Variants in GAS7 observed in about 807,000 individuals in gnomAD.
The protein encoded by GAS7 is growth arrest specific 7.
A neutral mutation model predicts 71.1 loss-of-function variants in GAS7; 28 were observed. The observed-to-expected ratio is 0.39, with a 90% CI of 0.29 to 0.54. GAS7 has a LOEUF of 0.54. Ranked by LOEUF, GAS7 falls within the 20% of genes least tolerant of loss-of-function variation. The pLI is 0.62. For synonymous variants in GAS7, 258 were observed against 245.8 expected (o/e 1.05, Z -0.46); for missense variants, 436 against 627.8 (o/e 0.69, Z 3.27).
chr17:9,990,352 G>A (rs2070794143), intron 2 of GAS7, among the ~76,000 whole-genome samples: 1 of 152,220 alleles, frequency 6.6e-6, no homozygotes, highest in Non-Finnish European at 1.5e-5. Context: ...TGCACAATAT[G>A]GCTGCTGACT....
chr17:10,090,169 CAA>C (rs536907218), intron 1 of GAS7, among the ~76,000 whole-genome samples: 21 of 126,312 alleles, frequency 1.7e-4, no homozygotes, highest in Admixed American at 2.4e-4. Flanking sequence ...ACTCCGTCTC[CAA>C]AAAAAAAAAA....
At chr17:9,918,597 C>T (rs1413987748) in intron 12 of GAS7, among the ~76,000 whole-genome samples, 2 of 152,238 alleles carry the variant, frequency 1.3e-5, no homozygotes, top group Admixed American at 1.3e-4. Context: ...CCATGCCACA[C>T]ATTCCTGGGA....
chr17:10,010,175 C>T (rs2071712063), intron 2 of GAS7, among the ~76,000 whole-genome samples: 1 of 150,748 alleles, frequency 6.6e-6, no homozygotes, highest in Non-Finnish European at 1.5e-5. Flanking sequence ...TTTGGGGGGG[C>T]GTCTCCCTCT....
intron 1 of GAS7, among the ~76,000 whole-genome samples, chr17:10,118,884 A>G (rs777514949): frequency 2.0e-5 from 3 of 152,126 alleles, no homozygotes; most frequent in Non-Finnish European, 2.9e-5. Flanking sequence ...GGACACCAGC[A>G]CAACGTACAC....
chr17:10,168,522 T>G (rs1318066090), intron 1 of GAS7, among the ~76,000 whole-genome samples: 1 of 152,228 alleles, frequency 6.6e-6, no homozygotes, highest in Non-Finnish European at 1.5e-5. Context: ...TCAGGCTGTA[T>G]GTCTGTTTAC....
At chr17:10,056,263 G>C (rs1008459854) in intron 1 of GAS7, among the ~76,000 whole-genome samples, 1 of 152,154 alleles carries the variant, frequency 6.6e-6, no homozygotes, top group Non-Finnish European at 1.5e-5. Flanking sequence ...GAGAGGCTGA[G>C]GTGGGAAGAC....
chr17:9,926,684 T>C lies in GAS7; in HGVS notation c.971A>G (p.Asp324Gly). Residue 324 changes from aspartate (D) to glycine (G), a missense_variant, in exon 10 of 14, where the codon GAC (aspartate) becomes GGC (glycine). Asp to Gly is a moderately conservative substitution (Grantham distance 94). Coordinates refer to ENST00000432992, the MANE Select transcript of GAS7 (RefSeq NM_201433.2). The surrounding 1 kb of genome is among the most constrained non-coding windows in gnomAD (Gnocchi z 5.0). The part of the protein sequence containing the change: ...DMKKCDHHIA[D>G]LRKQLASRYA... ...GCGGCTGGCGAGCTGCTTGCGAAGG[T>C]CGGCAATGTGGTGGTCGCACTTCTT... 1.9e-6 allele frequency: 3 copies of C among 1,613,598 alleles called. No individual in the cohort carries two copies. Among genetic ancestry groups the C allele is most frequent in the Non-Finnish European group, 2.5e-6 (3 of 1,179,986 alleles).
intron 2 of GAS7, among the ~76,000 whole-genome samples, chr17:9,997,088 T>A (rs1318189347): frequency 1.3e-5 from 2 of 152,056 alleles, no homozygotes; most frequent in African/African-American, 2.4e-5. Context: ...TAGCGTATGG[T>A]AAAGAGGTGC....
intron 1 of GAS7, among the ~76,000 whole-genome samples, chr17:10,021,871 G>C (rs1391315784): frequency 3.3e-5 from 5 of 152,180 alleles, no homozygotes; most frequent in Non-Finnish European, 7.3e-5. Flanking sequence ...TGCATGTTGA[G>C]AGAAAGAGAA....
At chr17:9,917,416 G>A (rs2067619847) in intron 13 of GAS7, 75 bp from the exon 14 acceptor site, 2 of 1,080,696 alleles carry the variant, frequency 1.9e-6, no homozygotes, top group Non-Finnish European at 2.8e-6. Context: ...GAGACATGCT[G>A]TCCTCACCTT....
chr17:10,152,680 A>G (rs1244308757), intron 1 of GAS7, among the ~76,000 whole-genome samples: 1 of 152,188 alleles, frequency 6.6e-6, no homozygotes, highest in African/African-American at 2.4e-5. Context: ...CGCAGCCTTC[A>G]AGGCCTCTCT....
At chr17:9,943,822 G>T (rs574275276) in intron 6 of GAS7, among the ~76,000 whole-genome samples, 4 of 152,260 alleles carry the variant, frequency 2.6e-5, no homozygotes, top group African/African-American at 9.6e-5. Context: ...ATACTAGCTG[G>T]GTGACCTTGG....
intron 1 of GAS7, among the ~76,000 whole-genome samples, chr17:10,080,467 T>C (rs1320490163): frequency 6.6e-6 from 1 of 152,232 alleles, no homozygotes; most frequent in African/African-American, 2.4e-5. Flanking sequence ...AGCCATTCTT[T>C]CATTCCTTTA....
At chr17:10,039,750 G>C (rs1000080440) in intron 1 of GAS7, 7 of 456,178 alleles carry the variant, frequency 1.5e-5, no homozygotes, top group Non-Finnish European at 2.6e-5. Context: ...ACCATGGCTC[G>C]TCTTGCGTTC....
At chr17:10,039,626 T>C (rs1259226978) in intron 1 of GAS7, 1 of 391,448 alleles carries the variant, frequency 2.6e-6, no homozygotes, top group African/African-American at 2.1e-5. Context: ...GAGGTTGTAG[T>C]GAGCCAAGAT....
chr17:9,946,160 A>G (rs1158964771), intron 6 of GAS7, among the ~76,000 whole-genome samples: 1 of 152,180 alleles, frequency 6.6e-6, no homozygotes, highest in African/African-American at 2.4e-5. Context: ...TAATTCTGAA[A>G]GTCACTATGA....
In GAS7 at chr17:10,034,315, C is replaced by CA; in HGVS notation, c.184-14419_184-14418insT. 11 of 488,580 alleles carry CA rather than the reference C, an allele frequency of 2.3e-5. No individual in the cohort carries two copies. Among genetic ancestry groups the CA allele is most frequent in the African/African-American group, 4.4e-5 (2 of 45,512 alleles). The allele number at this position is 488,580 out of a possible 1,614,324, so 30.3% of individuals were successfully genotyped here. A position where few individuals can be genotyped will look rare whatever the true frequency, so the allele number is the denominator to read the frequency against. ...ATATATAGCCTAATACTTAATAATT[C>CA]TTTTTTTTTTTTTTAGACAGTCTTG... On this transcript the variant is annotated intron_variant, in intron 1 of 13. Transcript: ENST00000432992. The surrounding 1 kb of genome is among the most constrained non-coding windows in gnomAD (Gnocchi z 4.4).
At position 10,088,661 on chromosome 17, in the gene GAS7, A is replaced by C. The variant is rs921363941; in HGVS notation, c.184-68764T>G. 1.4e-4 allele frequency among the ~76,000 whole-genome samples: 22 copies of C among 152,158 alleles called. 4 individuals carry two copies. The highest frequency in any genetic ancestry group is 1.3e-3 in the Admixed American group (20 of 15,262). On this transcript the variant is annotated intron_variant, in intron 1 of 13. Transcript: ENST00000432992. ...TTTAACAGGGAAATAAATCATCCCA[A>C]TTATACAGGGCGAGCTGCCATGCTG...
At position 10,159,786 on chromosome 17, in the gene GAS7, C is replaced by CTTTT. The variant is rs71139021; in HGVS notation, c.183+38418_183+38421dup. ...TCAAACTATACACATGAAGTGTGACCTTTTTTTTTTTTTTTTTGAGACAGT... is the reference window on the plus strand; with the variant it reads ...TCAAACTATACACATGAAGTGTGACCTTTTTTTTTTTTTTTTTTTTTGAGACAGT... On this transcript the variant is annotated intron_variant, in intron 1 of 13. Coordinates refer to ENST00000432992, the MANE Select transcript of GAS7 (RefSeq NM_201433.2). Among the ~76,000 whole-genome samples the CTTTT allele has an allele frequency of 1.9e-3, 259 of 134,500 alleles. 5 individuals are homozygous for CTTTT. Among genetic ancestry groups the CTTTT allele is most frequent in the Middle Eastern group, 3.9e-3 (1 of 254 alleles). 88.2% of individuals were successfully genotyped at this position (134,500 alleles called of 152,430 possible).
Sources: gnomAD v4.1 joint callset for allele counts (sites outside exome capture counted in the v4.1 genomes callset) on GRCh38, gnomAD v4.1.1 for gene constraint, Gnocchi (gnomAD v3.1) non-coding constraint, MANE v1.5 for transcripts, NCBI Gene and HGNC (gene_info 2026-07-23, HGNC 2026-07-21) for gene names.